Variants in LYPD8 observed in about 807,000 individuals in gnomAD.
The protein encoded by LYPD8 is LY6/PLAUR domain containing 8, also known as ly6/PLAUR domain-containing protein 8.
Under a neutral mutation model 1.7 loss-of-function variants are expected in LYPD8, and 8 were observed. The observed-to-expected ratio is 4.58, with a 90% CI of 2.69 to 8.27. The LOEUF (loss-of-function observed/expected upper bound fraction) is 8.27. LYPD8 is among the 30% of genes most tolerant of loss of function. The pLI, the probability that LYPD8 is intolerant of heterozygous loss-of-function variation, is 0.00. For synonymous variants in LYPD8, 50 were observed against 43.6 expected (o/e 1.15, Z -0.58); for missense variants, 112 against 102.3 (o/e 1.09, Z -0.41).
intron 6 of LYPD8, among the ~76,000 whole-genome samples, chr1:248,743,230 C>G (rs946096925): frequency 6.6e-6 from 1 of 152,110 alleles, no homozygotes; most frequent in African/African-American, 2.4e-5. Context: ...CTTCGGAGAC[C>G]GAGGCGGGCG....
chr1:248,748,738 C>T (rs955811532), intron 4 of LYPD8, among the ~76,000 whole-genome samples: 1 of 152,144 alleles, frequency 6.6e-6, no homozygotes, highest in Non-Finnish European at 1.5e-5. Context: ...GTCCCTGAAG[C>T]CTTCAATAAG....
intron 4 of LYPD8, 67 bp downstream of exon 4, chr1:248,750,457 A>T (rs1662782007): frequency 5.0e-6 from 2 of 398,194 alleles, no homozygotes; most frequent in Non-Finnish European, 8.8e-6. Context: ...TCCTGCCTGG[A>T]TGTCCTCTCC....
chr1:248,745,941 T>A (rs1249265804), intron 5 of LYPD8, among the ~76,000 whole-genome samples: 1 of 152,228 alleles, frequency 6.6e-6, no homozygotes, highest in African/African-American at 2.4e-5. Flanking sequence ...GAATGTAAAG[T>A]GGAGTTTCCC....
At chr1:248,753,869 ACCCCATG>A (rs1383341127) in intron 2 of LYPD8, among the ~76,000 whole-genome samples, 1 of 149,584 alleles carries the variant, frequency 6.7e-6, no homozygotes, top group East Asian at 2.0e-4. Context: ...TACACCACAC[ACCCCATG>A]CATCACACAC....
At chr1:248,753,910 A>G (rs1662882530) in intron 2 of LYPD8, among the ~76,000 whole-genome samples, 1 of 150,548 alleles carries the variant, frequency 6.6e-6, no homozygotes. Context: ...CATGTCATAC[A>G]TACTACATAC....
chr1:248,753,547 CAA>C, intron 2 of LYPD8, among the ~76,000 whole-genome samples: 1 of 109,944 alleles, frequency 9.1e-6, no homozygotes, highest in Non-Finnish European at 1.9e-5. Flanking sequence ...CCACATCACA[CAA>C]AACACATCAC....
chr1:248,752,892 A>ACACCACACACACCC (rs1553284566), intron 2 of LYPD8, among the ~76,000 whole-genome samples: 2 of 80,424 alleles, frequency 2.5e-5, no homozygotes, highest in Admixed American at 1.2e-4. Flanking sequence ...CAACACATAC[A>ACACCACACACACCC]CACATCACAC....
chr1:248,744,080 T>A (rs1255322784), intron 6 of LYPD8, among the ~76,000 whole-genome samples: 4 of 152,210 alleles, frequency 2.6e-5, no homozygotes, highest in Non-Finnish European at 5.9e-5. Flanking sequence ...TCCTCAATAA[T>A]TTTTAAGACA....
intron 2 of LYPD8, among the ~76,000 whole-genome samples, chr1:248,752,656 A>C (rs1662822330): frequency 8.4e-6 from 1 of 119,086 alleles, no homozygotes; most frequent in Non-Finnish European, 1.7e-5. Context: ...CACACAACAC[A>C]CACCACACAC....
Position 248,750,471 on chromosome 1 carries a change from T to G in LYPD8, c.172+53A>C, listed in dbSNP as rs2103171295. ...TTCCTGCCTGGATGTCCTCTCCAGC[T>G]CCCTCCCGGTGCAAGCCCCAGAGGC... On this transcript the variant is annotated intron_variant, in intron 4 of 6. Coordinates refer to ENST00000590317, the MANE Select transcript of LYPD8 (RefSeq NM_001085474.2). The G allele has an allele frequency of 7.5e-6, 3 of 398,346 alleles. No homozygotes were observed. In the East Asian group the frequency reaches 1.1e-4, roughly 14 times the overall value. 24.7% of individuals were successfully genotyped at this position (398,346 alleles called of 1,614,324 possible). A position where few individuals can be genotyped will look rare whatever the true frequency, so the allele number is the denominator to read the frequency against.
rs1662794579 is a variant in LYPD8 at position 248,751,097 on chromosome 1, T to G, written c.-16A>C. The G allele has an allele frequency of 2.5e-6, 1 of 398,612 alleles. No individual in the cohort carries two copies. Among genetic ancestry groups the G allele is most frequent in the East Asian group, 3.6e-5 (1 of 28,078 alleles). 24.7% of individuals were successfully genotyped at this position (398,612 alleles called of 1,614,324 possible). ...TGCCCTTCATGGTGCTGGAGCTGAC[T>G]TCTCCCAAGGATGGGGACCACAGGG... On this transcript the variant is annotated 5_prime_UTR_variant, in exon 3 of 7. Transcript: ENST00000590317.
intron 6 of LYPD8, among the ~76,000 whole-genome samples, chr1:248,740,280 T>G (rs904239040): frequency 6.6e-6 from 1 of 152,202 alleles, no homozygotes; most frequent in Non-Finnish European, 1.5e-5. Flanking sequence ...CCTTCCAGGC[T>G]TTGCTTTCCG....
intron 5 of LYPD8, 83 bp downstream of exon 5, chr1:248,748,206 C>T (rs1312558798): frequency 1.5e-5 from 4 of 275,198 alleles, no homozygotes; most frequent in South Asian, 2.5e-4. Flanking sequence ...CCAGGGCATC[C>T]CCCGCACGGC....
At chr1:248,742,931 C>T (rs533330619) in intron 6 of LYPD8, among the ~76,000 whole-genome samples, 1 of 99,448 alleles carries the variant, frequency 1.0e-5, no homozygotes, top group Admixed American at 1.3e-4. Context: ...AGATTATGCT[C>T]TGGTGGGGAT....
chr1:248,751,814 G>A (rs1166623973), intron 2 of LYPD8, among the ~76,000 whole-genome samples: 1 of 152,080 alleles, frequency 6.6e-6, no homozygotes, highest in African/African-American at 2.4e-5. Context: ...ACAGTCCTCA[G>A]CCTGGACACA....
At chr1:248,743,850 G>A (rs1662671024) in intron 6 of LYPD8, among the ~76,000 whole-genome samples, 1 of 152,230 alleles carries the variant, frequency 6.6e-6, no homozygotes, top group African/African-American at 2.4e-5. Flanking sequence ...CCAAGACCCG[G>A]TGAGTGGGGG....
At chr1:248,754,851 C>T (rs1414702054) in intron 2 of LYPD8, among the ~76,000 whole-genome samples, 7 of 152,044 alleles carry the variant, frequency 4.6e-5, no homozygotes, top group Admixed American at 2.0e-4. Context: ...CCTACATGCC[C>T]GGGTGCACCC....
chr1:248,753,627 CACAA>C (rs1662872887), intron 2 of LYPD8, among the ~76,000 whole-genome samples: 1 of 130,726 alleles, frequency 7.6e-6, no homozygotes, highest in Non-Finnish European at 1.6e-5. Context: ...ACACAACACA[CACAA>C]CACACCACAC....
At chr1:248,746,403 G>C (rs1473634126) in intron 5 of LYPD8, among the ~76,000 whole-genome samples, 1 of 152,190 alleles carries the variant, frequency 6.6e-6, no homozygotes, top group Non-Finnish European at 1.5e-5. Flanking sequence ...TGCCCCATTT[G>C]TTTCCTGTGT....
Sources: allele counts gnomAD v4.1 joint callset (sites outside exome capture counted in the v4.1 genomes callset), GRCh38; gene constraint gnomAD v4.1.1; transcripts MANE v1.5; gene names NCBI Gene and HGNC (gene_info 2026-07-23, HGNC 2026-07-21).